Variants in GTPBP4 observed in about 807,000 individuals in gnomAD.
The protein encoded by GTPBP4 is GTP binding protein 4.
GTPBP4 carries 15 observed loss-of-function variants against 81.7 expected under a neutral mutation model. That is an observed-to-expected ratio of 0.18 (90% CI 0.12 to 0.28). GTPBP4 has a LOEUF of 0.28. GTPBP4 is among the 10% of genes least tolerant of loss of function. The pLI is 1.00. For synonymous variants in GTPBP4, 272 were observed against 274.6 expected (o/e 0.99, Z 0.09); for missense variants, 847 against 793.8 (o/e 1.07, Z -0.81).
chr10:1,008,968 C>T lies in GTPBP4; in HGVS notation c.1124C>T (p.Pro375Leu), dbSNP rs762196336. Residue 375 changes from proline (P) to leucine (L), a missense_variant, in exon 11 of 17, where the codon CCT becomes CTT. Physicochemically the swap from Pro to Leu is moderately conservative, Grantham distance 98 (BLOSUM62 -3). Around this residue, in one of 3 missense-constraint regions of GTPBP4, gnomAD observed 600 missense variants for 557.1 expected, o/e 1.08. Transcript: ENST00000360803. ...PTRRDDKERPPFIPEGVVARR... is the reference protein window; with the variant it reads ...PTRRDDKERPLFIPEGVVARR... Reference sequence around the variant, plus strand: ...ATGGGATCTTCTCAGGAGAGGCCCCCTTTCATCCCTGAAGGAGTGGTGGCT... The same window carrying T: ...ATGGGATCTTCTCAGGAGAGGCCCCTTTTCATCCCTGAAGGAGTGGTGGCT... 1.2e-6 allele frequency: 2 copies of T among 1,610,212 alleles called. No individual in the cohort carries two copies. The highest frequency in any genetic ancestry group is 1.7e-5 in the Admixed American group (1 of 60,022).
Position 1,014,298 on chromosome 10 carries a change from G to A in GTPBP4, c.1594G>A (p.Asp532Asn), listed in dbSNP as rs751203043. ...GATGCGTAGTCTTGGTGTTGACATG[G>A]ACGATAAAGACGATGTGAGTGTGGG... is the stretch of plus-strand genomic sequence containing the variant. ...KEMRSLGVDM[D>N]DKDDAHYAVQ... The change falls in exon 15 of 17, where the codon GAC becomes AAC. Residue 532 changes from aspartate (D) to asparagine (N), a missense_variant. Asp to Asn is a conservative substitution (Grantham distance 23, BLOSUM62 1). This residue lies in a region of GTPBP4 where 600 missense variants were observed against 557.1 expected (regional missense o/e 1.08). Transcript: ENST00000360803. 6.3e-5 allele frequency: 101 copies of A among 1,607,030 alleles called. No homozygotes were observed. The highest frequency in any genetic ancestry group is 4.0e-4 in the East Asian group (18 of 44,838).
intron 9 of GTPBP4, among the ~76,000 whole-genome samples, chr10:1,006,404 TG>T (rs1224912901): frequency 2.0e-5 from 3 of 152,148 alleles, no homozygotes; most frequent in African/African-American, 7.2e-5. Context: ...TTTGGGAGGC[TG>T]AGGCGGGTAG....
chr10:1,013,028 G>C (rs1292014672), intron 14 of GTPBP4, among the ~76,000 whole-genome samples: 1 of 151,962 alleles, frequency 6.6e-6, no homozygotes, highest in Non-Finnish European at 1.5e-5. Flanking sequence ...GTGTCTCCCA[G>C]GCTGGAGTGC....
chr10:997,778 C>T (rs1316539244), intron 5 of GTPBP4, among the ~76,000 whole-genome samples: 1 of 152,176 alleles, frequency 6.6e-6, no homozygotes, highest in Non-Finnish European at 1.5e-5. Context: ...GCAGCTGCAT[C>T]TGAGTGATCT....
intron 15 of GTPBP4, 29 bp downstream of exon 15, chr10:1,014,341 T>A: frequency 6.7e-7 from 1 of 1,500,100 alleles, no homozygotes; most frequent in Non-Finnish European, 9.3e-7. Flanking sequence ...CATGTGTTTA[T>A]GTGGCTGGAT....
intron 11 of GTPBP4, 50 bp downstream of exon 11, chr10:1,009,085 G>A: frequency 7.3e-7 from 1 of 1,374,308 alleles, no homozygotes; most frequent in Non-Finnish European, 1.0e-6. Context: ...GAGGCAGGCT[G>A]TGTGTGCCCA....
intron 11 of GTPBP4, among the ~76,000 whole-genome samples, 184 bp from the exon 12 acceptor site, chr10:1,009,345 C>A (rs1038843393): frequency 4.6e-5 from 7 of 152,198 alleles, no homozygotes; most frequent in Non-Finnish European, 1.0e-4. Context: ...CTCTTCCTAC[C>A]AGAACCCAAA....
rs1232946103 is a variant in GTPBP4, at chr10:1,019,818, A to G, written c.*2591A>G. On this transcript the variant is annotated 3_prime_UTR_variant, in exon 17 of 17. Coordinates refer to ENST00000360803, the MANE Select transcript of GTPBP4 (RefSeq NM_012341.3). Reference sequence around the variant, plus strand: ...GTGGTGATAGATTGTCATGAACACAATGTCCTCTGGAGAAATCTATTGACA... The same window carrying G: ...GTGGTGATAGATTGTCATGAACACAGTGTCCTCTGGAGAAATCTATTGACA... 6.2e-7 allele frequency: 1 copy of G among 1,613,566 alleles called. No homozygotes were observed. The highest frequency in any genetic ancestry group is 2.2e-5 in the East Asian group (1 of 44,876).
At chr10:1,014,460 G>T (rs1310264120) in intron 15 of GTPBP4, 148 bp downstream of exon 15, 36 of 560,944 alleles carry the variant, frequency 6.4e-5, no homozygotes, top group Non-Finnish European at 1.1e-4. Flanking sequence ...TTCGAGACCA[G>T]CCTGGCCAAC....
intron 13 of GTPBP4, among the ~76,000 whole-genome samples, chr10:1,012,076 G>C (rs1474722034): frequency 1.3e-5 from 2 of 152,186 alleles, no homozygotes; most frequent in Non-Finnish European, 2.9e-5. Context: ...GTTGTATTTG[G>C]GGTGACATTA....
At chr10:1,006,133 C>A (rs531291086) in intron 9 of GTPBP4, among the ~76,000 whole-genome samples, 2 of 152,334 alleles carry the variant, frequency 1.3e-5, no homozygotes, top group East Asian at 3.9e-4. Context: ...GCTCTTCTCA[C>A]CCCAAACAAC....
chr10:1,001,016 A>G lies in GTPBP4; in HGVS notation c.912+3A>G. On this transcript the variant is annotated splice_donor_region_variant and intron_variant, in intron 8 of 16. Transcript: ENST00000360803. ...CTGAACTTTCTGAAGATGATCAGGTAAATCACGTTAATATTTTGAATATTT... is the reference window on the plus strand; with the variant it reads ...CTGAACTTTCTGAAGATGATCAGGTGAATCACGTTAATATTTTGAATATTT... 6.3e-7 allele frequency: 1 copy of G among 1,581,514 alleles called. No individual in the cohort carries two copies. The highest frequency in any genetic ancestry group is 2.2e-5 in the East Asian group (1 of 44,742).
At chr10:999,130 T>A in intron 6 of GTPBP4, 35 bp downstream of exon 6, 1 of 1,200,488 alleles carries the variant, frequency 8.3e-7, no homozygotes, top group Non-Finnish European at 1.2e-6. Context: ...TTCATTTATT[T>A]ATTTTGAGTT....
At chr10:1,001,406 G>T (rs1421063672) in intron 8 of GTPBP4, among the ~76,000 whole-genome samples, 3 of 152,202 alleles carry the variant, frequency 2.0e-5, no homozygotes, top group Non-Finnish European at 4.4e-5. Context: ...TGGAATTTGG[G>T]CTTTCTGGAT....
In GTPBP4 at chr10:1,015,479, C is replaced by CTCT. The variant is rs1831965960; in HGVS notation, c.1609-274_1609-273insTCT. Among the ~76,000 whole-genome samples the CTCT allele has an allele frequency of 3.2e-4, 35 of 110,380 alleles. 13 individuals carry two copies. The highest frequency in any genetic ancestry group is 5.7e-4 in the Non-Finnish European group (31 of 54,332). 72.4% of individuals were successfully genotyped at this position (110,380 alleles called of 152,430 possible). A position where few individuals can be genotyped will look rare whatever the true frequency, so the allele number is the denominator to read the frequency against. On this transcript the variant is annotated intron_variant, in intron 15 of 16. Transcript: ENST00000360803. ...CTGGGAGTGGGGCTGGGGTCCTGAG[C>CTCT]GCTGAGCCTGGGAGTGGGGCTGGGG...
intron 1 of GTPBP4, among the ~76,000 whole-genome samples, chr10:991,487 A>G (rs1235525463): frequency 1.3e-5 from 2 of 152,098 alleles, no homozygotes; most frequent in Non-Finnish European, 2.9e-5. Context: ...ATCTCTTTGG[A>G]AATTATAAAC....
At chr10:1,004,713 A>G (rs12771539) in intron 8 of GTPBP4, among the ~76,000 whole-genome samples, 18,949 of 152,206 alleles carry the variant, frequency 0.12, 1,593 homozygotes, top group Non-Finnish European at 0.19. Context: ...AGCAAGGGCT[A>G]GTAGAGGGGC....
At chr10:1,012,940 C>T (rs377132473) in intron 14 of GTPBP4, among the ~76,000 whole-genome samples, 312 of 152,272 alleles carry the variant, frequency 2.0e-3, no homozygotes, top group African/African-American at 7.1e-3. Flanking sequence ...GGTTCACAGA[C>T]GTTCAAGGCT....
In GTPBP4 at chr10:1,007,143, G is replaced by T; in HGVS notation, c.1113+15G>T. On this transcript the variant is annotated intron_variant, in intron 10 of 16. Coordinates refer to ENST00000360803, the MANE Select transcript of GTPBP4 (RefSeq NM_012341.3). ...GGGACGATAAGGTAAGACGGCCCCT[G>T]GGACAGCCGTGGGCTCACAGTACTG... 1 of 1,409,806 alleles carries T rather than the reference G, an allele frequency of 7.1e-7. No individual in the cohort carries two copies. The highest frequency in any genetic ancestry group is 1.0e-6 in the Non-Finnish European group (1 of 993,638). The allele number at this position is 1,409,806 out of a possible 1,614,324, so 87.3% of individuals were successfully genotyped here.
Sources: allele counts gnomAD v4.1 joint callset (sites outside exome capture counted in the v4.1 genomes callset), GRCh38; gene constraint gnomAD v4.1.1; regional missense constraint gnomAD v4.1.1; transcripts MANE v1.5; gene names NCBI Gene and HGNC (gene_info 2026-07-23, HGNC 2026-07-21).